Variants in TENM2 observed in about 807,000 individuals in gnomAD.
The protein encoded by TENM2 is teneurin-2.
Under a neutral mutation model 245.2 loss-of-function variants are expected in TENM2, and 52 were observed. The ratio of observed to expected loss-of-function variants is 0.21; its 90% confidence interval spans 0.17 to 0.27. The LOEUF is 0.27. Ranked by LOEUF, TENM2 falls within the 10% of genes least tolerant of loss-of-function variation. TENM2 has a pLI of 1.00. For synonymous variants in TENM2, 1,363 were observed against 1,438.9 expected (o/e 0.95, Z 1.19); for missense variants, 3,046 against 3,666.8 (o/e 0.83, Z 4.37).
At chr5:167,198,789 C>A in the TENM2 span, among the ~76,000 whole-genome samples, 10 of 151,972 alleles carry the variant, frequency 6.6e-5, no homozygotes, top group Admixed American at 6.6e-4. Context: ...GGAAGCAATG[C>A]CTCCAGGTGT....
chr5:167,189,634 T>C, the TENM2 span, among the ~76,000 whole-genome samples: 1 of 151,912 alleles, frequency 6.6e-6, no homozygotes, highest in Non-Finnish European at 1.5e-5. Context: ...AGTGGCATGA[T>C]CATAATTCAC....
At chr5:167,603,143 A>G (rs187235443) in intron 2 of TENM2, among the ~76,000 whole-genome samples, 43 of 152,294 alleles carry the variant, frequency 2.8e-4, no homozygotes, top group Admixed American at 2.4e-3. Flanking sequence ...CCATCACTAG[A>G]TCCTCAAGCA....
At chr5:167,551,691 C>A (rs867341643) in intron 2 of TENM2, among the ~76,000 whole-genome samples, 4 of 152,196 alleles carry the variant, frequency 2.6e-5, no homozygotes, top group Middle Eastern at 6.8e-3. Flanking sequence ...TCTATGTATT[C>A]ATTTGTTTAT....
intron 2 of TENM2, among the ~76,000 whole-genome samples, chr5:167,858,831 G>T (rs1322925827): frequency 1.4e-5 from 2 of 147,016 alleles, no homozygotes; most frequent in Non-Finnish European, 3.0e-5. Context: ...GGAGGCAGCG[G>T]CTGGAGGAGC....
the TENM2 span, among the ~76,000 whole-genome samples, chr5:167,090,733 A>G: frequency 3.3e-5 from 5 of 152,242 alleles, no homozygotes; most frequent in Non-Finnish European, 7.3e-5. Context: ...AGGGACATCA[A>G]TGCAACAAAT....
At chr5:167,003,445 T>C in the TENM2 span, among the ~76,000 whole-genome samples, 2 of 152,212 alleles carry the variant, frequency 1.3e-5, no homozygotes, top group Non-Finnish European at 2.9e-5. Context: ...AGTTGCTTAA[T>C]TGTCAGTGAA....
intron 3 of TENM2, among the ~76,000 whole-genome samples, chr5:167,925,710 C>T (rs1426355028): frequency 1.3e-5 from 2 of 152,144 alleles, no homozygotes; most frequent in African/African-American, 2.4e-5. Context: ...AACCTAAATG[C>T]CCATTAATGA....
At chr5:168,018,463 A>G (rs958101394) in intron 5 of TENM2, among the ~76,000 whole-genome samples, 2 of 150,232 alleles carry the variant, frequency 1.3e-5, no homozygotes, top group Non-Finnish European at 1.5e-5. Flanking sequence ...AAAGGATTGC[A>G]TTTCACTCTC....
At chr5:167,799,062 G>C (rs1161754315) in intron 2 of TENM2, among the ~76,000 whole-genome samples, 1 of 152,120 alleles carries the variant, frequency 6.6e-6, no homozygotes, top group Non-Finnish European at 1.5e-5. Flanking sequence ...GGGACTGCAT[G>C]GGCTTCCCAT....
chr5:167,872,472 A>G (rs113828665), intron 2 of TENM2, among the ~76,000 whole-genome samples: 1 of 122,178 alleles, frequency 8.2e-6, no homozygotes, highest in Non-Finnish European at 1.7e-5. Flanking sequence ...GAAAGAAAGA[A>G]AGAAAGAAAG....
chr5:167,213,247 T>C, the TENM2 span, among the ~76,000 whole-genome samples: 1,122 of 152,318 alleles, frequency 7.4e-3, 13 homozygotes, highest in African/African-American at 0.026. Flanking sequence ...AAACGATGTC[T>C]CAGCTGGGCT....
intron 1 of TENM2, among the ~76,000 whole-genome samples, chr5:167,336,176 C>T (rs1342129716): frequency 3.6e-5 from 3 of 83,110 alleles, no homozygotes; most frequent in African/African-American, 4.5e-5. Flanking sequence ...TTCATTTCTC[C>T]TTTTTTTTTT....
chr5:167,279,521 CCTTCCTTCCTTCCTTCCTTCCTT>C, the TENM2 span, among the ~76,000 whole-genome samples: 2 of 118,284 alleles, frequency 1.7e-5, no homozygotes, highest in Admixed American at 8.1e-5. Flanking sequence ...TCCTTTCCTT[CCTTCCTTCCTTCCTTCCTTCCTT>C]CCTTCCTTCC....
the TENM2 span, among the ~76,000 whole-genome samples, chr5:167,003,383 A>ATTACAG: frequency 6.6e-6 from 1 of 152,146 alleles, no homozygotes; most frequent in Non-Finnish European, 1.5e-5. Flanking sequence ...AATTTGAATA[A>ATTACAG]TTGGGGGAAG....
At chr5:167,054,893 G>T in the TENM2 span, among the ~76,000 whole-genome samples, 1 of 151,890 alleles carries the variant, frequency 6.6e-6, no homozygotes, top group Non-Finnish European at 1.5e-5. Context: ...TCTTTTTATT[G>T]TTGAGTTTTA....
intron 2 of TENM2, among the ~76,000 whole-genome samples, chr5:167,869,686 TC>T (rs1441754234): frequency 1.3e-5 from 2 of 152,176 alleles, no homozygotes; most frequent in African/African-American, 4.8e-5. Flanking sequence ...GACCCAGTGC[TC>T]CCTCAAAGCC....
chr5:167,261,276 T>C, the TENM2 span, among the ~76,000 whole-genome samples: 1 of 152,126 alleles, frequency 6.6e-6, no homozygotes, highest in East Asian at 1.9e-4. Context: ...GGTTATGTCT[T>C]GTTCCCATCT....
chr5:167,287,649 C>T (rs1223327844), intron 1 of TENM2: 1 of 152,168 alleles, frequency 6.6e-6, no homozygotes, highest in Non-Finnish European at 1.5e-5. Flanking sequence ...CTGCCATCTC[C>T]CAGCAGGAGA....
intron 5 of TENM2, among the ~76,000 whole-genome samples, chr5:167,999,804 T>C (rs1242127948): frequency 6.6e-6 from 1 of 152,160 alleles, no homozygotes; most frequent in African/African-American, 2.4e-5. Flanking sequence ...ACGCTGGTGA[T>C]GAGAGCCAGG....
Sources: gnomAD v4.1 joint callset for allele counts (sites outside exome capture counted in the v4.1 genomes callset) on GRCh38, gnomAD v4.1.1 for gene constraint, MANE v1.5 for transcripts, NCBI Gene and HGNC (gene_info 2026-07-23, HGNC 2026-07-21) for gene names.